SLC24A4: variants seen among roughly 807,000 people sequenced by gnomAD.
SLC24A4 encodes the protein solute carrier family 24 member 4.
SLC24A4 carries 53 observed loss-of-function variants against 79.0 expected under a neutral mutation model. The ratio of observed to expected loss-of-function variants is 0.67; its 90% CI spans 0.54 to 0.84. The LOEUF (loss-of-function observed/expected upper bound fraction) is 0.84. SLC24A4 is among the 40% of genes least tolerant of loss of function. The pLI, the probability that SLC24A4 is intolerant of heterozygous loss-of-function variation, is 0.00. For missense variants in SLC24A4, 731 were observed against 822.0 expected, an observed-to-expected ratio of 0.89 and a Z score of 1.35; for synonymous variants, 323 against 323.8, an observed-to-expected ratio of 1.00 and a Z score of 0.03.
At chr14:92,366,238 T>C (rs1887831543) in intron 2 of SLC24A4, among the ~76,000 whole-genome samples, 1 of 152,188 alleles carries the variant, frequency 6.6e-6, no homozygotes, top group Non-Finnish European at 1.5e-5. Context: ...GCCAAGCCTC[T>C]GGGAAAATGG....
At chr14:92,372,727 C>T (rs963223423) in intron 2 of SLC24A4, among the ~76,000 whole-genome samples, 5 of 152,220 alleles carry the variant, frequency 3.3e-5, no homozygotes, top group Non-Finnish European at 7.4e-5. Flanking sequence ...TTCATCAAGC[C>T]CCTCAGCCTT....
chr14:92,378,034 C>T (rs934730029), intron 2 of SLC24A4, among the ~76,000 whole-genome samples: 5 of 152,150 alleles, frequency 3.3e-5, no homozygotes, highest in East Asian at 1.9e-4. Flanking sequence ...TTGTCTAGCA[C>T]GGGATTGGTT....
At chr14:92,472,735 C>T (rs370618827) in intron 12 of SLC24A4, among the ~76,000 whole-genome samples, 3 of 152,308 alleles carry the variant, frequency 2.0e-5, no homozygotes, top group East Asian at 3.9e-4. Flanking sequence ...GCGAATTGTA[C>T]TGCCATAAAC....
chr14:92,446,878 G>A (rs1892825865), intron 8 of SLC24A4, among the ~76,000 whole-genome samples: 1 of 152,192 alleles, frequency 6.6e-6, no homozygotes, highest in South Asian at 2.1e-4. Context: ...GGCAGCATAA[G>A]GCCTGGGAGG....
intron 13 of SLC24A4, 82 bp from the exon 14 acceptor site, chr14:92,486,584 A>C: frequency 1.2e-6 from 1 of 842,020 alleles, no homozygotes; most frequent in Non-Finnish European, 2.0e-6. Flanking sequence ...TCCTACGCTT[A>C]CAGTGTCTCT....
At chr14:92,445,613 G>A (rs1003692664) in intron 8 of SLC24A4, among the ~76,000 whole-genome samples, 4 of 152,162 alleles carry the variant, frequency 2.6e-5, no homozygotes, top group African/African-American at 4.8e-5. Context: ...TTTTGCAAAG[G>A]GATATGCATA....
intron 13 of SLC24A4, among the ~76,000 whole-genome samples, chr14:92,485,708 A>AT (rs1448673312): frequency 6.6e-6 from 1 of 152,252 alleles, no homozygotes; most frequent in Non-Finnish European, 1.5e-5. Flanking sequence ...GGGTGAGAGA[A>AT]TCAGGAAGAT....
intron 2 of SLC24A4, among the ~76,000 whole-genome samples, chr14:92,396,260 G>A (rs1889771744): frequency 6.6e-6 from 1 of 152,150 alleles, no homozygotes. Context: ...GCATATTTAG[G>A]CTTATCATTT....
chr14:92,346,560 TAAAC>T (rs913241995), intron 2 of SLC24A4, among the ~76,000 whole-genome samples: 1 of 152,150 alleles, frequency 6.6e-6, no homozygotes, highest in African/African-American at 2.4e-5. Context: ...ACCATCTACT[TAAAC>T]AAATTAAAAA....
chr14:92,439,473 A>G lies in SLC24A4; in HGVS notation c.393+64A>G, dbSNP rs4900122. On this transcript the variant is annotated intron_variant, in intron 4 of 16. Transcript: ENST00000532405. ...GAAGACATGTGGGACATAAATGCCA[A>G]GCCAAGAAGGCCAGGGCTGGCGTGG... 1,103,106 of 1,474,398 alleles carry G rather than the reference A, an allele frequency of 0.75. 415,837 individuals are homozygous for G. The highest frequency in any genetic ancestry group is 0.98 in the East Asian group (43,204 of 44,084). 91.3% of individuals were successfully genotyped at this position (1,474,398 alleles called of 1,614,324 possible).
At chr14:92,425,486 G>A (rs762872264) in intron 2 of SLC24A4, among the ~76,000 whole-genome samples, 4 of 152,182 alleles carry the variant, frequency 2.6e-5, no homozygotes, top group Non-Finnish European at 5.9e-5. Context: ...TGACCATTTT[G>A]GGCCAATTGC....
chr14:92,352,124 C>G (rs1273259749), intron 2 of SLC24A4, among the ~76,000 whole-genome samples: 2 of 152,054 alleles, frequency 1.3e-5, no homozygotes, highest in Non-Finnish European at 2.9e-5. Context: ...GGGTCCTGAC[C>G]ACTAGGGAAA....
chr14:92,381,122 A>G (rs566901081), intron 2 of SLC24A4, among the ~76,000 whole-genome samples: 1 of 152,376 alleles, frequency 6.6e-6, no homozygotes, highest in South Asian at 2.1e-4. Flanking sequence ...CTATAAAGAC[A>G]CATGCACACA....
intron 2 of SLC24A4, among the ~76,000 whole-genome samples, chr14:92,432,787 A>T (rs532003936): frequency 6.6e-6 from 1 of 152,302 alleles, no homozygotes; most frequent in African/African-American, 2.4e-5. Context: ...AAAATCAGAA[A>T]AATTTCCATA....
rs1044199024 is a variant in SLC24A4 at position 92,323,674 on chromosome 14, C to T, written c.-157C>T. ...CCCACCTTCCCAAGGGGCTCCCCCG[C>T]CGACCTCGCCCTCGGGCCATGAGGC... On this transcript the variant is annotated 5_prime_UTR_variant, in exon 1 of 17. Transcript: ENST00000532405. This position sits in a 1 kb window ranked among gnomAD's most constrained non-coding sequence, Gnocchi z 4.9. 5.5e-5 allele frequency: 51 copies of T among 919,032 alleles called. No individual in the cohort carries two copies. The highest frequency in any genetic ancestry group is 7.2e-5 in the Non-Finnish European group (47 of 654,626). 56.9% of individuals were successfully genotyped at this position (919,032 alleles called of 1,614,324 possible). A position where few individuals can be genotyped will look rare whatever the true frequency, so the allele number is the denominator to read the frequency against.
At chr14:92,379,838 C>G (rs79778116) in intron 2 of SLC24A4, among the ~76,000 whole-genome samples, 3 of 152,142 alleles carry the variant, frequency 2.0e-5, no homozygotes, top group African/African-American at 7.2e-5. Context: ...CGCCAGCACA[C>G]CCATACTTCC....
Position 92,482,808 on chromosome 14 carries a change from C to T in SLC24A4, c.1384C>T (p.Leu462=). The part of the protein sequence containing the change: ...FFMVTFITAT[L]WIAVFSYIMV... Reference sequence around the variant, plus strand: ...CATGGTCACCTTCATCACCGCCACGCTGTGGATCGCTGTGTTCTCCTACAT... The same window carrying T: ...CATGGTCACCTTCATCACCGCCACGTTGTGGATCGCTGTGTTCTCCTACAT... The change falls in exon 13 of 17, where the codon CTG becomes TTG. Residue 462 remains leucine (L), a synonymous_variant. Coordinates refer to ENST00000532405, the MANE Select transcript of SLC24A4 (RefSeq NM_153646.4). The T allele has an allele frequency of 6.2e-7, 1 of 1,613,700 alleles. No individual in the cohort carries two copies. The highest frequency in any genetic ancestry group is 8.5e-7 in the Non-Finnish European group (1 of 1,179,712).
At chr14:92,477,739 A>C (rs12590916) in intron 12 of SLC24A4, among the ~76,000 whole-genome samples, 137,926 of 151,636 alleles carry the variant, frequency 0.91, 63,696 homozygotes, top group Non-Finnish European at 0.99. Context: ...TAGGCATGAG[A>C]CACTGTGCCC....
Position 92,492,259 on chromosome 14 carries a change from A to G in SLC24A4, c.1716+19A>G, listed in dbSNP as rs775239753. On this transcript the variant is annotated intron_variant, in intron 16 of 16. Coordinates refer to ENST00000532405, the MANE Select transcript of SLC24A4 (RefSeq NM_153646.4). ...TCTCACCGTGAGTCTTTACAATTCC[A>G]AAACAGATGCCTCATGCATACTTGA... 5.8e-5 allele frequency: 93 copies of G among 1,611,258 alleles called. No individual in the cohort carries two copies. Among genetic ancestry groups the G allele is most frequent in the Non-Finnish European group, 7.6e-5 (89 of 1,177,602 alleles).
Sources: allele counts gnomAD v4.1 joint callset (sites outside exome capture counted in the v4.1 genomes callset), GRCh38; gene constraint gnomAD v4.1.1; non-coding constraint Gnocchi (gnomAD v3.1); transcripts MANE v1.5; gene names NCBI Gene and HGNC (gene_info 2026-07-23, HGNC 2026-07-21).